The following CHD5 variants were observed in gnomAD, a reference collection of about 807,000 sequenced individuals.
CHD5 encodes chromodomain helicase DNA binding protein 5.
Under a neutral mutation model 230.3 loss-of-function variants are expected in CHD5, and 69 were observed. The observed-to-expected ratio is 0.30, with a 90% CI of 0.25 to 0.37. The LOEUF (loss-of-function observed/expected upper bound fraction) is 0.37, where lower values mean the gene tolerates loss of function less well. Among genes scored for constraint, CHD5 ranks in the 10% least tolerant of loss-of-function variants. CHD5 has a pLI of 1.00. For synonymous variants in CHD5, 1,064 were observed against 1,065.9 expected (o/e 1.00, Z 0.03); for missense variants, 1,827 against 2,622.8 (o/e 0.70, Z 6.63).
rs1469921209 is a variant in CHD5 at position 6,149,228 on chromosome 1, G to T, written c.1161+18C>A. The T allele has an allele frequency of 5.8e-6, 9 of 1,565,092 alleles. No homozygotes were observed. The highest frequency in any genetic ancestry group is 7.8e-6 in the Non-Finnish European group (9 of 1,150,414). Reference sequence around the variant, plus strand: ...AGGCGTGGCCCCGCCCCCAGCCCGGGGCTCTGCCAAGGCTTACACAGTGGG... The same window carrying T: ...AGGCGTGGCCCCGCCCCCAGCCCGGTGCTCTGCCAAGGCTTACACAGTGGG... On this transcript the variant is annotated intron_variant, in intron 8 of 41. Coordinates refer to ENST00000262450, the MANE Select transcript of CHD5 (RefSeq NM_015557.3).
intron 11 of CHD5, among the ~76,000 whole-genome samples, chr1:6,144,715 G>C (rs1666882895): frequency 6.6e-6 from 1 of 152,132 alleles, no homozygotes; most frequent in African/African-American, 2.4e-5. Flanking sequence ...GGGTCTTTAG[G>C]GCCTCCCACC....
Position 6,130,678 on chromosome 1 carries a change from A to G in CHD5, c.3263-350T>C, listed in dbSNP as rs1173712492. Among the ~76,000 whole-genome samples, 3 of 152,184 alleles carry G rather than the reference A, an allele frequency of 2.0e-5. No individual in the cohort carries two copies. Among genetic ancestry groups the G allele is most frequent in the Non-Finnish European group, 4.4e-5 (3 of 68,010 alleles). On this transcript the variant is annotated intron_variant, in intron 21 of 41. Transcript: ENST00000262450. This position sits in a 1 kb window ranked among gnomAD's most constrained non-coding sequence, Gnocchi z 4.9. ...AGCTCAGAGTCCTTCATGTCCCCGC[A>G]GCTTCCCACCCCTGGCTTCCCTTAG...
At position 6,149,019 on chromosome 1, in the gene CHD5, G is replaced by A. The variant is rs140895336; in HGVS notation, c.1218C>T (p.Gly406=). Residue 406 remains glycine (G), a synonymous_variant, in exon 9 of 42, where the codon GGC becomes GGT. Coordinates refer to ENST00000262450, the MANE Select transcript of CHD5 (RefSeq NM_015557.3). ...PKDDDDEEEE[G]GCEEEEDDHM... ...GGTCGTCCTCCTCCTCCTCGCAGCC[G>A]CCCTCCTCCTCTTCATCGTCGTCGT... 3,685 of 1,600,398 alleles carry A rather than the reference G, an allele frequency of 2.3e-3. 128 individuals are homozygous for A. The Admixed American group carries it at 0.059, about 26-fold the overall frequency.
At chr1:6,170,710 G>T (rs897776156) in intron 1 of CHD5, among the ~76,000 whole-genome samples, 1 of 152,266 alleles carries the variant, frequency 6.6e-6, no homozygotes, top group Non-Finnish European at 1.5e-5. Context: ...AGGGGCAGGG[G>T]CTGGGCTGCT....
intron 2 of CHD5, among the ~76,000 whole-genome samples, chr1:6,161,189 G>A (rs1033267826): frequency 3.9e-5 from 6 of 152,080 alleles, no homozygotes; most frequent in Non-Finnish European, 7.4e-5. Flanking sequence ...CAAAGGCGGG[G>A]GGCCTCCCTG....
In CHD5 at chr1:6,102,079, C is replaced by T. The variant is rs572005729; in HGVS notation, c.*3395G>A. 7 of 387,814 alleles carry T rather than the reference C, an allele frequency of 1.8e-5. No homozygotes were observed. Among genetic ancestry groups the T allele is most frequent in the South Asian group, 7.3e-5 (4 of 54,846 alleles). 24.0% of individuals were successfully genotyped at this position (387,814 alleles called of 1,614,324 possible). A position where few individuals can be genotyped will look rare whatever the true frequency, so the allele number is the denominator to read the frequency against. ...GGCCCCCTCTTAGCTGGGCCTGGGC[C>T]GGTGGAGTCTGCTCCCTCCACACCC... On this transcript the variant is annotated 3_prime_UTR_variant, in exon 42 of 42. Transcript: ENST00000262450.
rs139558243 is a variant in CHD5, at chr1:6,133,460, G to C, written c.3144+668C>G. 9.4e-4 allele frequency among the ~76,000 whole-genome samples: 143 copies of C among 152,350 alleles called. 3 individuals carry two copies. The highest frequency in any genetic ancestry group is 8.8e-3 in the Admixed American group (134 of 15,310). On this transcript the variant is annotated intron_variant, in intron 20 of 41. Transcript: ENST00000262450. ...ACAAGGAGCCATAGCCCAGACTCTG[G>C]GTTTGAGCAAGGGGCCTGGCTCAGT...
At chr1:6,137,852 T>C (rs1349711280) in intron 15 of CHD5, among the ~76,000 whole-genome samples, 1 of 152,242 alleles carries the variant, frequency 6.6e-6, no homozygotes, top group Admixed American at 6.5e-5. Context: ...GAGTGTGTGC[T>C]GGGGGCGTGG....
chr1:6,162,779 G>A (rs1667197895), intron 2 of CHD5, among the ~76,000 whole-genome samples: 1 of 152,202 alleles, frequency 6.6e-6, no homozygotes, highest in South Asian at 2.1e-4. Context: ...GTCGGGATTG[G>A]GCTCCAGCCA....
chr1:6,174,863 T>C (rs918875685), intron 1 of CHD5, among the ~76,000 whole-genome samples: 9 of 147,926 alleles, frequency 6.1e-5, no homozygotes, highest in African/African-American at 2.0e-4. Context: ...GACGGATGGA[T>C]GGATGAAAGA....
At chr1:6,109,571 G>C (rs1666252230) in intron 38 of CHD5, among the ~76,000 whole-genome samples, 1 of 152,220 alleles carries the variant, frequency 6.6e-6, no homozygotes, top group Admixed American at 6.5e-5. Flanking sequence ...CACAGAGCAG[G>C]CTTGAGAAAC....
intron 1 of CHD5, among the ~76,000 whole-genome samples, chr1:6,174,556 T>C (rs1367024667): frequency 7.0e-6 from 1 of 143,516 alleles, no homozygotes; most frequent in African/African-American, 2.7e-5. Flanking sequence ...GGATGGACAC[T>C]GGACGGATGG....
Position 6,155,829 on chromosome 1 carries a change from T to C in CHD5, c.388-112A>G. On this transcript the variant is annotated intron_variant, in intron 3 of 41. Transcript: ENST00000262450. This position sits in a 1 kb window ranked among gnomAD's most constrained non-coding sequence, Gnocchi z 4.0. ...GGCACAGGGGAAAGAGGAGGGGTTG[T>C]GTCTGCAATGTAACCAGACCATTCT... 1 of 755,280 alleles carries C rather than the reference T, an allele frequency of 1.3e-6. No homozygotes were observed. The allele number at this position is 755,280 out of a possible 1,614,324, so 46.8% of individuals were successfully genotyped here. A position where few individuals can be genotyped will look rare whatever the true frequency, so the allele number is the denominator to read the frequency against.
chr1:6,106,792 G>A lies in CHD5; in HGVS notation c.5579-13C>T. ...AGCTGGTTCAGGACTGTGGTGGGAG[G>A]CGGAGGGATGGTAGGATGCAGGGAT... On this transcript the variant is annotated splice_polypyrimidine_tract_variant and intron_variant, in intron 38 of 41. Coordinates refer to ENST00000262450, the MANE Select transcript of CHD5 (RefSeq NM_015557.3). The A allele has an allele frequency of 6.2e-7, 1 of 1,604,922 alleles. No homozygotes were observed. The highest frequency in any genetic ancestry group is 1.9e-4 in the Middle Eastern group (1 of 5,306).
chr1:6,118,962 T>TAGCTCCCAGCC (rs1666419605), intron 33 of CHD5, among the ~76,000 whole-genome samples: 1 of 149,720 alleles, frequency 6.7e-6, no homozygotes, highest in African/African-American at 2.5e-5. Context: ...CCTCCCAGAG[T>TAGCTCCCAGCC]TCTGGGATTA....
chr1:6,151,516 A>T (rs1450439514), intron 6 of CHD5, among the ~76,000 whole-genome samples: 1 of 152,186 alleles, frequency 6.6e-6, no homozygotes, highest in Non-Finnish European at 1.5e-5. Flanking sequence ...TACTGGACCT[A>T]CTGTGGCTGC....
Position 6,125,620 on chromosome 1 carries a change from G to A in CHD5, c.4172-8C>T. On this transcript the variant is annotated splice_polypyrimidine_tract_variant and splice_region_variant and intron_variant, in intron 27 of 41. Coordinates refer to ENST00000262450, the MANE Select transcript of CHD5 (RefSeq NM_015557.3). The surrounding 1 kb of genome is among the most constrained non-coding windows in gnomAD (Gnocchi z 6.7). Reference sequence around the variant, plus strand: ...GGGATTGTCGTCGTCCACCTGGGGAGCAGCCCGCCACAGTTCCTCAGGTGG... The same window carrying A: ...GGGATTGTCGTCGTCCACCTGGGGAACAGCCCGCCACAGTTCCTCAGGTGG... 1.2e-6 allele frequency: 2 copies of A among 1,612,106 alleles called. No individual in the cohort carries two copies. The highest frequency in any genetic ancestry group is 1.7e-6 in the Non-Finnish European group (2 of 1,178,978).
Position 6,121,009 on chromosome 1 carries a change from A to G in CHD5, c.4912+96T>C. On this transcript the variant is annotated intron_variant, in intron 33 of 41. Transcript: ENST00000262450. The surrounding 1 kb of genome is among the most constrained non-coding windows in gnomAD (Gnocchi z 4.5). Reference sequence around the variant, plus strand: ...TGGAGTCTACCTCTCTGCCAGGGAGAAATGAGCGGAAGTACAGCCACCTGC... The same window carrying G: ...TGGAGTCTACCTCTCTGCCAGGGAGGAATGAGCGGAAGTACAGCCACCTGC... The G allele has an allele frequency of 3.7e-6, 5 of 1,350,938 alleles. No individual in the cohort carries two copies. Among genetic ancestry groups the G allele is most frequent in the Non-Finnish European group, 4.9e-6 (5 of 1,029,572 alleles). The allele number at this position is 1,350,938 out of a possible 1,614,324, so 83.7% of individuals were successfully genotyped here. A position where few individuals can be genotyped will look rare whatever the true frequency, so the allele number is the denominator to read the frequency against.
At chr1:6,119,069 A>G (rs1041935453) in intron 33 of CHD5, among the ~76,000 whole-genome samples, 6 of 151,720 alleles carry the variant, frequency 4.0e-5, no homozygotes, top group African/African-American at 1.5e-4. Flanking sequence ...TTATCTTAAA[A>G]AAAAAAAAAG....
Sources: allele counts gnomAD v4.1 joint callset (sites outside exome capture counted in the v4.1 genomes callset), GRCh38; gene constraint gnomAD v4.1.1; non-coding constraint Gnocchi (gnomAD v3.1); transcripts MANE v1.5; gene names NCBI Gene and HGNC (gene_info 2026-07-23, HGNC 2026-07-21).